The following LRRFIP1 variants were observed in gnomAD, a reference collection of about 807,000 sequenced individuals.
LRRFIP1 encodes the protein LRR binding FLII interacting protein 1.
Under a neutral mutation model 104.4 loss-of-function variants are expected in LRRFIP1, and 62 were observed. The ratio of observed to expected loss-of-function variants is 0.59; its 90% CI spans 0.48 to 0.73. The LOEUF is 0.73. LRRFIP1 is among the 30% of genes least tolerant of loss of function. The probability of loss-of-function intolerance (pLI) is 0.00; values close to 1 mark genes in which losing one functional copy is unlikely to be tolerated. For missense variants in LRRFIP1, 796 were observed against 824.5 expected, an observed-to-expected ratio of 0.97 and a Z score of 0.42; for synonymous variants, 300 against 299.0, an observed-to-expected ratio of 1.00 and a Z score of -0.03.
At chr2:237,674,558 A>T (rs2090849868) in intron 1 of LRRFIP1, among the ~76,000 whole-genome samples, 1 of 152,220 alleles carries the variant, frequency 6.6e-6, no homozygotes, top group Non-Finnish European at 1.5e-5. Flanking sequence ...TCAAAAGCAA[A>T]AATTAAGGAA....
intron 4 of LRRFIP1, among the ~76,000 whole-genome samples, chr2:237,718,198 G>A (rs1020508831): frequency 6.6e-6 from 1 of 152,244 alleles, no homozygotes; most frequent in Non-Finnish European, 1.5e-5. Flanking sequence ...CATTGGCTTC[G>A]CAGCTCACCA....
intron 1 of LRRFIP1, among the ~76,000 whole-genome samples, chr2:237,682,744 G>T (rs1035085918): frequency 6.6e-6 from 1 of 152,164 alleles, no homozygotes; most frequent in African/African-American, 2.4e-5. Context: ...TGACTTTCTT[G>T]CCGTCCCTGA....
intron 1 of LRRFIP1, among the ~76,000 whole-genome samples, chr2:237,640,949 C>T (rs759789278): frequency 6.6e-6 from 1 of 152,192 alleles, no homozygotes. Context: ...GACCATTAAC[C>T]ATGTGAATGT....
rs1291461880 is a variant in LRRFIP1, at chr2:237,691,186, C to G, written c.97-17358C>G. Among the ~76,000 whole-genome samples the G allele has an allele frequency of 6.6e-6, 1 of 152,182 alleles. No individual in the cohort carries two copies. The highest frequency in any genetic ancestry group is 1.5e-5 in the Non-Finnish European group (1 of 68,026). On this transcript the variant is annotated intron_variant, in intron 1 of 23. Coordinates refer to ENST00000308482, the MANE Select transcript of LRRFIP1 (RefSeq NM_001137550.2). The surrounding 1 kb of genome is among the most constrained non-coding windows in gnomAD (Gnocchi z 5.4). ...TAAATGTGCTTTAAATTTTACATTTCCTGGCGTGGCCAGGACAGGCTGACC... is the reference window on the plus strand; with the variant it reads ...TAAATGTGCTTTAAATTTTACATTTGCTGGCGTGGCCAGGACAGGCTGACC...
chr2:237,639,817 G>A (rs574799302), intron 1 of LRRFIP1, among the ~76,000 whole-genome samples: 27 of 152,250 alleles, frequency 1.8e-4, no homozygotes, highest in Admixed American at 6.5e-4. Flanking sequence ...CTCTGTCCTG[G>A]GGGGCGCTGT....
At chr2:237,730,060 G>C (rs369234424) in intron 8 of LRRFIP1, among the ~76,000 whole-genome samples, 1 of 152,154 alleles carries the variant, frequency 6.6e-6, no homozygotes, top group Non-Finnish European at 1.5e-5. Context: ...ACACCAGCTC[G>C]AATGTGAATT....
chr2:237,673,834 C>T lies in LRRFIP1; in HGVS notation c.97-34710C>T, dbSNP rs2090723958. On this transcript the variant is annotated intron_variant, in intron 1 of 23. Coordinates refer to ENST00000308482, the MANE Select transcript of LRRFIP1 (RefSeq NM_001137550.2). Reference sequence around the variant, plus strand: ...GAGAGGAAGCTGACTCGATGACGGGCGGAGAGGTGGGCGGAGGCTGTCTCA... The same window carrying T: ...GAGAGGAAGCTGACTCGATGACGGGTGGAGAGGTGGGCGGAGGCTGTCTCA... 2.6e-5 allele frequency among the ~76,000 whole-genome samples: 4 copies of T among 152,168 alleles called. No individual in the cohort carries two copies. In the South Asian group the frequency reaches 8.3e-4, roughly 32 times the overall value.
chr2:237,685,604 C>T (rs2092306550), intron 1 of LRRFIP1, among the ~76,000 whole-genome samples: 2 of 152,138 alleles, frequency 1.3e-5, no homozygotes, highest in African/African-American at 4.8e-5. Context: ...GTCCTCATTC[C>T]CATGGAGCTC....
chr2:237,777,244 TG>T (rs578150660), intron 23 of LRRFIP1, among the ~76,000 whole-genome samples: 34 of 152,174 alleles, frequency 2.2e-4, no homozygotes, highest in Non-Finnish European at 2.6e-4. Flanking sequence ...ATTGTTGTGT[TG>T]TTGTTGCTGT....
At position 237,649,116 on chromosome 2, in the gene LRRFIP1, G is replaced by A. The variant is rs553357407; in HGVS notation, c.96+21376G>A. On this transcript the variant is annotated intron_variant, in intron 1 of 23. Transcript: ENST00000308482. This position sits in a 1 kb window ranked among gnomAD's most constrained non-coding sequence, Gnocchi z 4.1. ...GGCCCCTGGAGCTGGAGGAGGTGCT[G>A]GGCCATGGTTTGGAAGCTCGCATGG... Among the ~76,000 whole-genome samples, 214 of 151,950 alleles carry A rather than the reference G, an allele frequency of 1.4e-3. No individual in the cohort carries two copies. Among genetic ancestry groups the A allele is most frequent in the Middle Eastern group, 6.8e-3 (2 of 294 alleles).
intron 5 of LRRFIP1, 143 bp downstream of exon 5, chr2:237,719,710 G>GTATTCTATCATT: frequency 5.4e-6 from 3 of 555,910 alleles, no homozygotes; most frequent in Non-Finnish European, 9.3e-6. Context: ...ATTAATGATA[G>GTATTCTATCATT]AATACTGATA....
At chr2:237,738,109 CT>C (rs2095307223) in intron 10 of LRRFIP1, among the ~76,000 whole-genome samples, 1 of 152,006 alleles carries the variant, frequency 6.6e-6, no homozygotes, top group Non-Finnish European at 1.5e-5. Context: ...ATGAGCACCC[CT>C]GAAGATCTAT....
intron 7 of LRRFIP1, among the ~76,000 whole-genome samples, chr2:237,727,331 G>C (rs1293733832): frequency 6.6e-6 from 1 of 150,788 alleles, no homozygotes; most frequent in African/African-American, 2.4e-5. Context: ...ATTCTAGCCT[G>C]GGCGACAGAG....
chr2:237,664,953 T>C (rs573842781), intron 1 of LRRFIP1, among the ~76,000 whole-genome samples: 22 of 152,324 alleles, frequency 1.4e-4, no homozygotes, highest in East Asian at 5.8e-4. Context: ...TAAAACTCAA[T>C]GTAGGGTTTT....
chr2:237,650,680 A>G (rs2085793420), intron 1 of LRRFIP1, among the ~76,000 whole-genome samples: 2 of 152,230 alleles, frequency 1.3e-5, no homozygotes, highest in South Asian at 4.1e-4. Context: ...GGAGAGAAGA[A>G]TGTTGCCAGA....
intron 1 of LRRFIP1, among the ~76,000 whole-genome samples, chr2:237,694,233 A>G (rs2093012590): frequency 6.6e-6 from 1 of 152,146 alleles, no homozygotes; most frequent in African/African-American, 2.4e-5. Flanking sequence ...ACCAGAATAT[A>G]TGGTGTATGC....
chr2:237,744,670 T>C (rs1388952662), intron 11 of LRRFIP1, among the ~76,000 whole-genome samples: 1 of 152,286 alleles, frequency 6.6e-6, no homozygotes, highest in East Asian at 1.9e-4. Context: ...TTTTCAATGA[T>C]GTCTGTATAC....
At chr2:237,673,708 GC>G (rs2090703165) in intron 1 of LRRFIP1, among the ~76,000 whole-genome samples, 1 of 152,234 alleles carries the variant, frequency 6.6e-6, no homozygotes, top group Admixed American at 6.5e-5. Context: ...GGCAGCAGTG[GC>G]GGGGAGGGTA....
chr2:237,757,516 G>C lies in LRRFIP1; in HGVS notation c.1192G>C (p.Glu398Gln), dbSNP rs368646072. 3.1e-6 allele frequency: 5 copies of C among 1,590,990 alleles called. No homozygotes were observed. The highest frequency in any genetic ancestry group is 4.3e-6 in the Non-Finnish European group (5 of 1,168,404). Residue 398 changes from glutamate to glutamine, a missense_variant, in exon 17 of 24, where the codon GAA becomes CAA. Transcript: ENST00000308482. ...TATCAGGGAGATTTCTGATCTTCAG[G>C]AAACAATAGAGTGGAAAGACAAAAA... ...SSIREISDLQ[E>Q]TIEWKDKKIG... is the part of the protein sequence containing the mutation.
Sources: gnomAD v4.1 joint callset for allele counts (sites outside exome capture counted in the v4.1 genomes callset) on GRCh38, gnomAD v4.1.1 for gene constraint, Gnocchi (gnomAD v3.1) non-coding constraint, MANE v1.5 for transcripts, NCBI Gene and HGNC (gene_info 2026-07-23, HGNC 2026-07-21) for gene names.